TTC29: variants seen among roughly 807,000 people sequenced by gnomAD.
TTC29 encodes the protein tetratricopeptide repeat protein 29.
A neutral mutation model predicts 58.1 loss-of-function variants in TTC29; 49 were observed. The observed-to-expected ratio is 0.84, with a 90% CI of 0.67 to 1.07. The LOEUF (loss-of-function observed/expected upper bound fraction) is 1.07. TTC29 is among the 50% of genes least tolerant of loss of function. The pLI, the probability that TTC29 is intolerant of heterozygous loss-of-function variation, is 0.00. For synonymous variants in TTC29, 209 were observed against 196.8 expected (o/e 1.06, Z -0.52); for missense variants, 582 against 555.6 (o/e 1.05, Z -0.48).
intron 8 of TTC29, among the ~76,000 whole-genome samples, chr4:146,842,492 G>A (rs899662106): frequency 6.6e-6 from 1 of 152,002 alleles, no homozygotes; most frequent in Non-Finnish European, 1.5e-5. Context: ...AACCCCTACA[G>A]GTTAGCCATA....
chr4:146,856,104 C>T (rs2150190976), intron 8 of TTC29, among the ~76,000 whole-genome samples: 2 of 152,280 alleles, frequency 1.3e-5, no homozygotes, highest in East Asian at 3.9e-4. Flanking sequence ...CCATATGTCA[C>T]TATTTAGTAT....
In TTC29 at chr4:146,874,757, G is replaced by C. The variant is rs1731143336; in HGVS notation, c.758C>G (p.Ala253Gly). ...AGAAGCTTTTATTAGAATTTTGATG[G>C]CCTGTTTGTATTCTTTATTTTCTAG... ...KMLENKEYKQ[A>G]IKILIKASEI... The change falls in exon 7 of 13, where the codon GCC becomes GGC. Residue 253 changes from alanine (A) to glycine (G), a missense_variant. Coordinates refer to ENST00000325106, the MANE Select transcript of TTC29 (RefSeq NM_031956.4). The C allele has an allele frequency of 1.2e-6, 2 of 1,608,176 alleles. No homozygotes were observed. Among genetic ancestry groups the C allele is most frequent in the Non-Finnish European group, 1.7e-6 (2 of 1,177,702 alleles).
At chr4:146,832,063 A>C (rs1018725476) in intron 9 of TTC29, among the ~76,000 whole-genome samples, 5 of 152,118 alleles carry the variant, frequency 3.3e-5, no homozygotes, top group Middle Eastern at 3.2e-3. Flanking sequence ...CACCCAGCTT[A>C]TCTCTCCAGT....
At chr4:146,853,235 A>T (rs1729624311) in intron 8 of TTC29, among the ~76,000 whole-genome samples, 1 of 152,166 alleles carries the variant, frequency 6.6e-6, no homozygotes, top group African/African-American at 2.4e-5. Context: ...AAAAATAGAA[A>T]AATTAAAGTC....
intron 11 of TTC29, among the ~76,000 whole-genome samples, chr4:146,722,573 A>C (rs1743448726): frequency 1.3e-5 from 2 of 152,220 alleles, no homozygotes; most frequent in African/African-American, 2.4e-5. Context: ...GCAATGGAAA[A>C]AAGACTCCTT....
At chr4:146,854,706 A>G (rs1412860303) in intron 8 of TTC29, among the ~76,000 whole-genome samples, 1 of 152,150 alleles carries the variant, frequency 6.6e-6, no homozygotes, top group Non-Finnish European at 1.5e-5. Context: ...TCACTCTTGG[A>G]ATGATGGCCA....
At chr4:146,893,690 A>C (rs1332906604) in intron 6 of TTC29, among the ~76,000 whole-genome samples, 1 of 152,198 alleles carries the variant, frequency 6.6e-6, no homozygotes, top group African/African-American at 2.4e-5. Context: ...AATGGGATCT[A>C]ATTAAACTAA....
At chr4:146,723,671 C>T (rs1743550736) in intron 11 of TTC29, among the ~76,000 whole-genome samples, 1 of 152,124 alleles carries the variant, frequency 6.6e-6, no homozygotes, top group Non-Finnish European at 1.5e-5. Context: ...AAATCAAAAC[C>T]AGAATGAGAT....
At chr4:146,735,758 C>T (rs2150027014) in intron 11 of TTC29, among the ~76,000 whole-genome samples, 1 of 152,226 alleles carries the variant, frequency 6.6e-6, no homozygotes, top group African/African-American at 2.4e-5. Flanking sequence ...TACATGGGCA[C>T]CCAATGTGAT....
At chr4:146,803,314 C>A in intron 11 of TTC29, 143 bp downstream of exon 11, 2 of 622,544 alleles carry the variant, frequency 3.2e-6, no homozygotes, top group Non-Finnish European at 5.5e-6. Flanking sequence ...GTATATCCAA[C>A]CTTCATGTAG....
chr4:146,876,564 T>G (rs533690700), intron 6 of TTC29, among the ~76,000 whole-genome samples: 8 of 152,256 alleles, frequency 5.3e-5, no homozygotes, highest in African/African-American at 1.9e-4. Context: ...TATTAAAGAA[T>G]GCACATAGAA....
chr4:146,844,481 G>A (rs1416888588), intron 8 of TTC29, among the ~76,000 whole-genome samples: 2 of 152,256 alleles, frequency 1.3e-5, no homozygotes, highest in South Asian at 2.1e-4. Flanking sequence ...CAATCACAGT[G>A]TGAGTTATAT....
intron 6 of TTC29, among the ~76,000 whole-genome samples, chr4:146,893,179 A>G (rs1338023938): frequency 6.6e-6 from 1 of 152,164 alleles, no homozygotes; most frequent in Admixed American, 6.5e-5. Flanking sequence ...GGAAAAAACT[A>G]CTTTAAAGTT....
intron 10 of TTC29, among the ~76,000 whole-genome samples, chr4:146,812,519 A>G (rs188379642): frequency 6.6e-6 from 1 of 152,212 alleles, no homozygotes; most frequent in Admixed American, 6.5e-5. Flanking sequence ...GTAAGTAGTG[A>G]TATGCCTAAA....
At chr4:146,792,576 A>C (rs1749542481) in intron 11 of TTC29, among the ~76,000 whole-genome samples, 2 of 152,196 alleles carry the variant, frequency 1.3e-5, no homozygotes, top group South Asian at 4.1e-4. Context: ...ACAGAGATTA[A>C]TGTTGTTTTT....
intron 11 of TTC29, among the ~76,000 whole-genome samples, chr4:146,737,533 T>G (rs1486016696): frequency 6.7e-6 from 1 of 148,976 alleles, no homozygotes; most frequent in Non-Finnish European, 1.5e-5. Flanking sequence ...ACGGGGCAGA[T>G]TATCTGGTCG....
intron 11 of TTC29, among the ~76,000 whole-genome samples, chr4:146,765,062 C>T (rs1003754065): frequency 6.6e-6 from 1 of 151,984 alleles, no homozygotes; most frequent in Admixed American, 6.6e-5. Context: ...TATGTCAGAC[C>T]TCAATGTATT....
intron 11 of TTC29, among the ~76,000 whole-genome samples, chr4:146,792,541 C>T (rs2089622): frequency 0.22 from 33,743 of 152,020 alleles, 4,024 homozygotes; most frequent in East Asian, 0.31. Context: ...TATAGGCACC[C>T]AAGATTGCTC....
rs557119448 is a variant in TTC29, at chr4:146,883,315, A to G, written c.587-8387T>C. ...CAGATGTAGTTGCAACGGGTGCGGA[A>G]ACAATTGTTAGCACCTTGCTCAGTG... On this transcript the variant is annotated intron_variant, in intron 6 of 12. Transcript: ENST00000325106. 5.9e-5 allele frequency among the ~76,000 whole-genome samples: 9 copies of G among 152,162 alleles called. No individual in the cohort carries two copies. In the South Asian group the frequency reaches 1.9e-3, roughly 32 times the overall value.
Sources: allele counts gnomAD v4.1 joint callset (sites outside exome capture counted in the v4.1 genomes callset), GRCh38; gene constraint gnomAD v4.1.1; transcripts MANE v1.5; gene names NCBI Gene and HGNC (gene_info 2026-07-23, HGNC 2026-07-21).